HTR7: variants seen among roughly 807,000 people sequenced by gnomAD.
HTR7 encodes the protein 5-hydroxytryptamine receptor 7.
A neutral mutation model predicts 34.0 loss-of-function variants in HTR7; 16 were observed. That is an observed-to-expected ratio of 0.47 (90% CI 0.32 to 0.71). HTR7 has a LOEUF of 0.71. Ranked by LOEUF, HTR7 falls within the 30% of genes least tolerant of loss-of-function variation. HTR7 has a pLI of 0.04. For synonymous variants in HTR7, 265 were observed against 260.2 expected (o/e 1.02, Z -0.18); for missense variants, 504 against 625.5 (o/e 0.81, Z 2.07).
chr10:90,761,706 C>T (rs376196558), intron 1 of HTR7, among the ~76,000 whole-genome samples: 73 of 151,822 alleles, frequency 4.8e-4, no homozygotes, highest in African/African-American at 1.8e-3. Flanking sequence ...ATACAATACA[C>T]TATTGTTAAC....
At chr10:90,762,868 A>C (rs762850241) in intron 1 of HTR7, among the ~76,000 whole-genome samples, 1 of 152,170 alleles carries the variant, frequency 6.6e-6, no homozygotes, top group Non-Finnish European at 1.5e-5. Context: ...TAGTTTTTTC[A>C]GCATCATTTA....
chr10:90,781,414 G>A (rs940565765), intron 1 of HTR7, among the ~76,000 whole-genome samples: 4 of 151,940 alleles, frequency 2.6e-5, no homozygotes, highest in Non-Finnish European at 2.9e-5. Flanking sequence ...TAACTCTTTC[G>A]AAGAGAAAAA....
intron 1 of HTR7, among the ~76,000 whole-genome samples, chr10:90,775,965 A>AT (rs984999509): frequency 6.6e-6 from 1 of 152,204 alleles, no homozygotes; most frequent in African/African-American, 2.4e-5. Flanking sequence ...TTAATAATAT[A>AT]TTTTTTCATA....
intron 1 of HTR7, among the ~76,000 whole-genome samples, chr10:90,798,039 C>T (rs1845569005): frequency 6.6e-6 from 1 of 152,082 alleles, no homozygotes; most frequent in Non-Finnish European, 1.5e-5. Context: ...GAGGGTAGAT[C>T]CCTCATGGCC....
intron 1 of HTR7, among the ~76,000 whole-genome samples, chr10:90,839,637 T>C (rs1370114677): frequency 6.6e-6 from 1 of 151,894 alleles, no homozygotes; most frequent in African/African-American, 2.4e-5. Context: ...CTAGAGATAG[T>C]CCCCAATCCC....
At chr10:90,828,882 G>C (rs968148524) in intron 1 of HTR7, among the ~76,000 whole-genome samples, 1 of 150,082 alleles carries the variant, frequency 6.7e-6, no homozygotes, top group South Asian at 2.1e-4. Context: ...CAAAAAATAA[G>C]AAAACTAGAT....
intron 1 of HTR7, among the ~76,000 whole-genome samples, chr10:90,778,435 C>G (rs1405103741): frequency 6.6e-6 from 1 of 152,126 alleles, no homozygotes. Flanking sequence ...TCTGCACCAC[C>G]TGGGGACTCT....
Position 90,857,312 on chromosome 10 carries a change from G to T in HTR7, c.360C>A (p.Ile120=). ...KKLRQPSNYL[I]VSLALADLSV... ...AGAGGTCGGCCAGCGCCAGGGACAC[G>T]ATCAGGTAGTTGGAGGGCTGGCGGA... The change falls in exon 1 of 4, where the codon ATC becomes ATA. Residue 120 remains isoleucine, a synonymous_variant. Coordinates refer to ENST00000336152, the MANE Select transcript of HTR7 (RefSeq NM_019859.4). The surrounding 1 kb of genome is among the most constrained non-coding windows in gnomAD (Gnocchi z 6.5). 1.2e-6 allele frequency: 2 copies of T among 1,614,092 alleles called. No homozygotes were observed. Among genetic ancestry groups the T allele is most frequent in the Admixed American group, 1.7e-5 (1 of 60,022 alleles).
At chr10:90,762,912 T>C (rs1282991727) in intron 1 of HTR7, among the ~76,000 whole-genome samples, 1 of 152,244 alleles carries the variant, frequency 6.6e-6, no homozygotes, top group Non-Finnish European at 1.5e-5. Flanking sequence ...TTGTGCACTC[T>C]TGGCATCCTT....
chr10:90,827,625 A>C (rs1307328131), intron 1 of HTR7, among the ~76,000 whole-genome samples: 1 of 152,264 alleles, frequency 6.6e-6, no homozygotes, highest in Non-Finnish European at 1.5e-5. Flanking sequence ...AATCATAAAA[A>C]GAGACAAAGA....
chr10:90,785,955 G>A (rs1181113472), intron 1 of HTR7, among the ~76,000 whole-genome samples: 1 of 152,176 alleles, frequency 6.6e-6, no homozygotes, highest in East Asian at 1.9e-4. Flanking sequence ...CCCCTGAAGT[G>A]TGATTTCTCA....
chr10:90,844,725 TCAAAAAAAAAAAAAAAAAA>T (rs1229254131), intron 1 of HTR7, among the ~76,000 whole-genome samples: 9 of 27,796 alleles, frequency 3.2e-4, no homozygotes, highest in Non-Finnish European at 4.9e-4. Flanking sequence ...AGACTCCGTC[TCAAAAAAAAAAAAAAAAAA>T]AAAAAAAAAA....
In HTR7 at chr10:90,749,804, T is replaced by C. The variant is rs138730201; in HGVS notation, c.540-210A>G. On this transcript the variant is annotated intron_variant, in intron 1 of 3. Coordinates refer to ENST00000336152, the MANE Select transcript of HTR7 (RefSeq NM_019859.4). The surrounding 1 kb of genome is among the most constrained non-coding windows in gnomAD (Gnocchi z 4.2). ...ACAGAGGCATTGCCAGATTGTAGCC[T>C]GAGAGCCCTCTGACTCTAAAGTCAG... Among the ~76,000 whole-genome samples, 21 of 152,348 alleles carry C rather than the reference T, an allele frequency of 1.4e-4. No homozygotes were observed. In the East Asian group the frequency reaches 4.1e-3, roughly 29 times the overall value.
At chr10:90,787,006 AG>A (rs111452930) in intron 1 of HTR7, among the ~76,000 whole-genome samples, 2,601 of 152,358 alleles carry the variant, frequency 0.017, 84 homozygotes, top group African/African-American at 0.058. Flanking sequence ...TAGAATGAGT[AG>A]GACAGAAATC....
chr10:90,771,931 AG>A (rs199639602), intron 1 of HTR7, among the ~76,000 whole-genome samples: 1 of 152,180 alleles, frequency 6.6e-6, no homozygotes, highest in Non-Finnish European at 1.5e-5. Flanking sequence ...AAGGAAATAG[AG>A]GGAAAAAAAA....
At chr10:90,821,119 A>AAC (rs776798773) in intron 1 of HTR7, among the ~76,000 whole-genome samples, 24 of 124,088 alleles carry the variant, frequency 1.9e-4, no homozygotes, top group Admixed American at 1.3e-3. Flanking sequence ...CACTCACACA[A>AAC]ACACACACAC....
At chr10:90,797,517 T>C (rs1484528133) in intron 1 of HTR7, among the ~76,000 whole-genome samples, 2 of 152,246 alleles carry the variant, frequency 1.3e-5, no homozygotes, top group Non-Finnish European at 2.9e-5. Flanking sequence ...TGTAGGGTCA[T>C]ACATTGTGGT....
chr10:90,765,763 A>G (rs1187314514), intron 1 of HTR7, among the ~76,000 whole-genome samples: 3 of 151,944 alleles, frequency 2.0e-5, no homozygotes, highest in African/African-American at 7.2e-5. Flanking sequence ...TACTCTTTAC[A>G]TTTCTTCTTT....
intron 1 of HTR7, among the ~76,000 whole-genome samples, chr10:90,753,986 C>G (rs1307543591): frequency 6.6e-6 from 1 of 151,786 alleles, no homozygotes; most frequent in Non-Finnish European, 1.5e-5. Context: ...GTAGTTTTAC[C>G]TGAGATGAAG....
Sources: gnomAD v4.1 joint callset for allele counts (sites outside exome capture counted in the v4.1 genomes callset) on GRCh38, gnomAD v4.1.1 for gene constraint, Gnocchi (gnomAD v3.1) non-coding constraint, MANE v1.5 for transcripts, NCBI Gene and HGNC (gene_info 2026-07-23, HGNC 2026-07-21) for gene names.